Variants in TGFA observed in about 807,000 individuals in gnomAD.
The protein encoded by TGFA is protransforming growth factor alpha.
A neutral mutation model predicts 21.7 loss-of-function variants in TGFA; 12 were observed. The ratio of observed to expected loss-of-function variants is 0.55; its 90% CI spans 0.35 to 0.90. The LOEUF (loss-of-function observed/expected upper bound fraction) is 0.90. TGFA is among the 40% of genes least tolerant of loss of function. TGFA has a pLI of 0.01. For synonymous variants in TGFA, 79 were observed against 88.1 expected (o/e 0.90, Z 0.58); for missense variants, 178 against 210.8 (o/e 0.84, Z 0.96).
At chr2:70,456,264 A>T in intron 4 of TGFA, 75 bp downstream of exon 4, 1 of 1,484,574 alleles carries the variant, frequency 6.7e-7, no homozygotes, top group Non-Finnish European at 9.1e-7. Flanking sequence ...TGGCCCTGTT[A>T]TCTGGATATA....
chr2:70,539,036 C>T (rs1471424149), intron 1 of TGFA, among the ~76,000 whole-genome samples: 1 of 152,172 alleles, frequency 6.6e-6, no homozygotes, highest in East Asian at 1.9e-4. Context: ...AAGGTGATAT[C>T]CTTCACCAAC....
intron 5 of TGFA, 98 bp from the exon 6 acceptor site, chr2:70,450,964 T>G: frequency 1.4e-6 from 2 of 1,440,914 alleles, no homozygotes; most frequent in Non-Finnish European, 1.9e-6. Context: ...GCAGAGCCAA[T>G]GTCACCAAGT....
At chr2:70,525,804 T>C (rs1672616381) in intron 1 of TGFA, among the ~76,000 whole-genome samples, 1 of 152,080 alleles carries the variant, frequency 6.6e-6, no homozygotes, top group Non-Finnish European at 1.5e-5. Flanking sequence ...TTAGGGAGCA[T>C]CTGAGAACCT....
chr2:70,510,733 T>C (rs1303822323), intron 2 of TGFA, among the ~76,000 whole-genome samples: 1 of 152,174 alleles, frequency 6.6e-6, no homozygotes, highest in Non-Finnish European at 1.5e-5. Flanking sequence ...ATCTGCCCTT[T>C]ATATTTGGGG....
rs782179034 is a variant in TGFA at position 70,456,437 on chromosome 2, G to T, written c.267C>A (p.Ala89=). 4 of 1,606,620 alleles carry T rather than the reference G, an allele frequency of 2.5e-6. No homozygotes were observed. Among genetic ancestry groups the T allele is most frequent in the Non-Finnish European group, 3.4e-6 (4 of 1,176,872 alleles). Residue 89 remains alanine (A), a synonymous_variant, in exon 4 of 6, where the codon GCC becomes GCA. Coordinates refer to ENST00000295400, the MANE Select transcript of TGFA (RefSeq NM_003236.4). ...GCTTCTTCTGGCTGGCAGCCACCAC[G>T]GCCAGGAGGTCCGCATGCTCACAGC... The part of the protein sequence containing the change: ...GARCEHADLL[A]VVAASQKKQA...
intron 3 of TGFA, among the ~76,000 whole-genome samples, chr2:70,461,475 G>T (rs13408446): frequency 0.61 from 93,011 of 152,096 alleles, 29,008 homozygotes; most frequent in African/African-American, 0.71. Context: ...CACTGGAAGG[G>T]TCTGTGGCCA....
intron 2 of TGFA, among the ~76,000 whole-genome samples, chr2:70,477,886 T>A (rs1670984883): frequency 6.6e-6 from 1 of 152,236 alleles, no homozygotes; most frequent in African/African-American, 2.4e-5. Flanking sequence ...GGAGTGTTAC[T>A]CTAATGCCAA....
At chr2:70,475,313 G>A (rs140384696) in intron 2 of TGFA, among the ~76,000 whole-genome samples, 118 of 152,260 alleles carry the variant, frequency 7.7e-4, no homozygotes, top group African/African-American at 2.5e-3. Flanking sequence ...TTTATAGAGC[G>A]AATTCTATTT....
chr2:70,466,996 A>G (rs1209808992), intron 2 of TGFA, among the ~76,000 whole-genome samples: 2 of 152,010 alleles, frequency 1.3e-5, no homozygotes, highest in African/African-American at 4.8e-5. Context: ...GAACACGTGG[A>G]CACAGGGAGA....
chr2:70,513,602 C>T (rs1321420631), intron 2 of TGFA, among the ~76,000 whole-genome samples: 1 of 152,154 alleles, frequency 6.6e-6, no homozygotes, highest in Non-Finnish European at 1.5e-5. Flanking sequence ...CCAAGCGCAT[C>T]AAGGATAACA....
At position 70,474,370 on chromosome 2, in the gene TGFA, G is replaced by A. The variant is rs567859820; in HGVS notation, c.95-8634C>T. Among the ~76,000 whole-genome samples, 36 of 152,318 alleles carry A rather than the reference G, an allele frequency of 2.4e-4. 1 individual carries two copies. Among genetic ancestry groups the A allele is most frequent in the African/African-American group, 7.9e-4 (33 of 41,564 alleles). ...AAAATTAGGATGCTATTCAAGTCCA[G>A]AAAGACAAATGCTGAGAAGGCACAT... On this transcript the variant is annotated intron_variant, in intron 2 of 5. Coordinates refer to ENST00000295400, the MANE Select transcript of TGFA (RefSeq NM_003236.4).
intron 2 of TGFA, among the ~76,000 whole-genome samples, chr2:70,480,519 G>GAGGAGTAA (rs567291812): frequency 1.2e-3 from 179 of 152,288 alleles, no homozygotes; most frequent in African/African-American, 4.0e-3. Context: ...TGGACTAAGG[G>GAGGAGTAA]AGGAGTAAAC....
At chr2:70,540,776 T>C (rs1673111229) in intron 1 of TGFA, among the ~76,000 whole-genome samples, 1 of 152,162 alleles carries the variant, frequency 6.6e-6, no homozygotes, top group Non-Finnish European at 1.5e-5. Flanking sequence ...ATATTTTCAG[T>C]GTGTATTTTT....
chr2:70,465,913 G>GCTTTCTAAAGCTATACAGGC (rs1670544838), intron 2 of TGFA, among the ~76,000 whole-genome samples, 177 bp from the exon 3 acceptor site: 2 of 152,324 alleles, frequency 1.3e-5, no homozygotes, highest in Admixed American at 1.3e-4. Flanking sequence ...CAGGCCTAGA[G>GCTTTCTAAAGCTATACAGGC]CTCCTGTATA....
intron 2 of TGFA, among the ~76,000 whole-genome samples, chr2:70,503,579 T>TAAAAAAAAAAA (rs372379367): frequency 7.4e-6 from 1 of 134,462 alleles, no homozygotes; most frequent in African/African-American, 3.0e-5. Flanking sequence ...ATAATAATAA[T>TAAAAAAAAAAA]AATAAAAAAA....
At chr2:70,537,640 C>A (rs1239845936) in intron 1 of TGFA, among the ~76,000 whole-genome samples, 2 of 152,170 alleles carry the variant, frequency 1.3e-5, no homozygotes, top group South Asian at 2.1e-4. Context: ...TAAACCAAAG[C>A]CTACTCCAGA....
At chr2:70,490,677 G>T (rs1361901542) in intron 2 of TGFA, among the ~76,000 whole-genome samples, 3 of 152,240 alleles carry the variant, frequency 2.0e-5, no homozygotes, top group Middle Eastern at 3.4e-3. Flanking sequence ...ATAATCAAGG[G>T]GGTATGAATT....
intron 1 of TGFA, among the ~76,000 whole-genome samples, chr2:70,531,730 A>C (rs1672818842): frequency 1.3e-5 from 2 of 152,226 alleles, no homozygotes; most frequent in Non-Finnish European, 2.9e-5. Flanking sequence ...GCTTCAAACA[A>C]TATCTGCTGC....
At chr2:70,496,652 T>A (rs1404571917) in intron 2 of TGFA, among the ~76,000 whole-genome samples, 1 of 152,226 alleles carries the variant, frequency 6.6e-6, no homozygotes, top group Non-Finnish European at 1.5e-5. Context: ...TAGGGAATGT[T>A]ATAAAGGCAA....
Sources: gnomAD v4.1 joint callset for allele counts (sites outside exome capture counted in the v4.1 genomes callset) on GRCh38, gnomAD v4.1.1 for gene constraint, MANE v1.5 for transcripts, NCBI Gene and HGNC (gene_info 2026-07-23, HGNC 2026-07-21) for gene names.